Variants in MGAT4C observed in about 807,000 individuals in gnomAD.
MGAT4C encodes the protein MGAT4 family member C.
A neutral mutation model predicts 40.1 loss-of-function variants in MGAT4C; 19 were observed. That is an observed-to-expected ratio of 0.47 (90% CI 0.33 to 0.70). MGAT4C has a LOEUF of 0.70. Among genes scored for constraint, MGAT4C ranks in the 30% least tolerant of loss-of-function variants. The pLI is 0.02. For missense variants in MGAT4C, 491 were observed against 563.2 expected (o/e 0.87, Z 1.30); for synonymous variants, 181 against 187.1 (o/e 0.97, Z 0.27).
chr12:86,333,520 C>T (rs1414284672), intron 4 of MGAT4C, among the ~76,000 whole-genome samples: 1 of 152,060 alleles, frequency 6.6e-6, no homozygotes, highest in Non-Finnish European at 1.5e-5. Flanking sequence ...TTATCACAGG[C>T]CAAACAGTGA....
intron 3 of MGAT4C, among the ~76,000 whole-genome samples, chr12:86,399,692 C>G (rs1462372266): frequency 6.6e-6 from 1 of 152,118 alleles, no homozygotes; most frequent in African/African-American, 2.4e-5. Context: ...GACAGCTGAA[C>G]TACTGGGAGC....
At chr12:86,821,076 A>G (rs1952697208) in intron 1 of MGAT4C, among the ~76,000 whole-genome samples, 1 of 150,982 alleles carries the variant, frequency 6.6e-6, no homozygotes, top group Admixed American at 6.6e-5. Context: ...TGAAGTTAAA[A>G]ATTTGTGTAA....
intron 2 of MGAT4C, among the ~76,000 whole-genome samples, chr12:86,488,870 AT>A (rs1286461762): frequency 6.6e-6 from 1 of 152,144 alleles, no homozygotes; most frequent in Non-Finnish European, 1.5e-5. Flanking sequence ...AAATGTGGTT[AT>A]TTTAAAAAGA....
intron 3 of MGAT4C, among the ~76,000 whole-genome samples, chr12:86,388,936 G>A (rs182238815): frequency 7.2e-5 from 11 of 151,846 alleles, no homozygotes; most frequent in African/African-American, 2.4e-4. Flanking sequence ...CGCTTGCCTC[G>A]GCCTCCCAAA....
intron 1 of MGAT4C, among the ~76,000 whole-genome samples, chr12:86,837,127 A>G (rs1234038140): frequency 6.6e-6 from 1 of 152,090 alleles, no homozygotes; most frequent in Non-Finnish European, 1.5e-5. Flanking sequence ...GACTGGGAGC[A>G]ATCTCACTTT....
At chr12:86,144,100 G>A (rs1173318959) in intron 1 of MGAT4C, among the ~76,000 whole-genome samples, 1 of 152,184 alleles carries the variant, frequency 6.6e-6, no homozygotes, top group African/African-American at 2.4e-5. Context: ...GCATCCAGGA[G>A]AGACCACTCG....
intron 3 of MGAT4C, among the ~76,000 whole-genome samples, chr12:86,381,494 T>G (rs1480711817): frequency 6.6e-6 from 1 of 152,066 alleles, no homozygotes; most frequent in Non-Finnish European, 1.5e-5. Context: ...AAAATCTATC[T>G]CAACTCTCAG....
At chr12:86,178,699 A>C (rs971602895) in intron 1 of MGAT4C, among the ~76,000 whole-genome samples, 2 of 151,996 alleles carry the variant, frequency 1.3e-5, no homozygotes, top group African/African-American at 4.8e-5. Flanking sequence ...CACATTTAAA[A>C]CTCTTGTTAT....
At chr12:86,520,265 T>G (rs1042200642) in intron 2 of MGAT4C, among the ~76,000 whole-genome samples, 1 of 152,100 alleles carries the variant, frequency 6.6e-6, no homozygotes, top group African/African-American at 2.4e-5. Flanking sequence ...CATACTCTTC[T>G]ATGTGCCCAT....
At chr12:86,454,929 T>C (rs897112330) in intron 2 of MGAT4C, among the ~76,000 whole-genome samples, 2 of 152,282 alleles carry the variant, frequency 1.3e-5, no homozygotes, top group African/African-American at 4.8e-5. Context: ...TCTTTTCTCC[T>C]AATACATTTT....
At chr12:86,163,825 A>G (rs779845608) in intron 1 of MGAT4C, among the ~76,000 whole-genome samples, 55 of 152,162 alleles carry the variant, frequency 3.6e-4, no homozygotes, top group Non-Finnish European at 7.2e-4. Context: ...TCATCTATCA[A>G]TCAATTTATA....
At chr12:86,666,186 G>A (rs923378251) in intron 2 of MGAT4C, among the ~76,000 whole-genome samples, 6 of 152,062 alleles carry the variant, frequency 3.9e-5, no homozygotes, top group Non-Finnish European at 8.8e-5. Flanking sequence ...TGTCACAAAG[G>A]TACCATTAGA....
At chr12:86,187,471 ATTAC>A (rs1275966886) in intron 1 of MGAT4C, among the ~76,000 whole-genome samples, 1 of 152,050 alleles carries the variant, frequency 6.6e-6, no homozygotes, top group Admixed American at 6.6e-5. Flanking sequence ...TACCCTTTGC[ATTAC>A]TTTTTTCCTA....
chr12:86,134,484 G>A (rs907216673), intron 1 of MGAT4C, among the ~76,000 whole-genome samples: 2 of 151,968 alleles, frequency 1.3e-5, no homozygotes, highest in Admixed American at 6.6e-5. Context: ...TAAATTTAAG[G>A]ACCACCCTTC....
chr12:86,063,760 G>C (rs908199202), intron 1 of MGAT4C, among the ~76,000 whole-genome samples: 1 of 152,196 alleles, frequency 6.6e-6, no homozygotes, highest in Non-Finnish European at 1.5e-5. Flanking sequence ...CCTTGTCTCT[G>C]ATGAAACAGA....
At chr12:86,470,186 A>G (rs955160686) in intron 2 of MGAT4C, among the ~76,000 whole-genome samples, 2 of 152,148 alleles carry the variant, frequency 1.3e-5, no homozygotes, top group Admixed American at 1.3e-4. Flanking sequence ...TTTTCTCCAA[A>G]AAGTAATGTT....
chr12:86,221,979 T>C (rs1045935212), intron 1 of MGAT4C, among the ~76,000 whole-genome samples: 12 of 152,252 alleles, frequency 7.9e-5, no homozygotes, highest in African/African-American at 2.9e-4. Flanking sequence ...ACTATGTTCA[T>C]TAGAGAATTA....
chr12:86,404,789 G>C (rs1956431911), intron 3 of MGAT4C, among the ~76,000 whole-genome samples: 1 of 152,070 alleles, frequency 6.6e-6, no homozygotes, highest in Non-Finnish European at 1.5e-5. Flanking sequence ...AAAGATGATT[G>C]ATCATCTATG....
chr12:86,672,923 A>C (rs2136565999), intron 2 of MGAT4C, among the ~76,000 whole-genome samples: 1 of 152,276 alleles, frequency 6.6e-6, no homozygotes, highest in South Asian at 2.1e-4. Flanking sequence ...TATATTATTT[A>C]GATTTAAAAA....
Sources: allele counts gnomAD v4.1 joint callset (sites outside exome capture counted in the v4.1 genomes callset), GRCh38; gene constraint gnomAD v4.1.1; transcripts MANE v1.5; gene names NCBI Gene and HGNC (gene_info 2026-07-23, HGNC 2026-07-21).